The following STK3 variants were observed in gnomAD, a reference collection of about 807,000 sequenced individuals.
The protein encoded by STK3 is serine/threonine-protein kinase 3.
Under a neutral mutation model 58.0 loss-of-function variants are expected in STK3, and 41 were observed. The observed-to-expected ratio is 0.71, with a 90% confidence interval of 0.55 to 0.92. STK3 has a LOEUF of 0.92. Among genes scored for constraint, STK3 ranks in the 40% least tolerant of loss-of-function variants. The probability of loss-of-function intolerance (pLI) is 0.00; values close to 1 mark genes in which losing one functional copy is unlikely to be tolerated. For synonymous variants in STK3, 170 were observed against 191.0 expected (o/e 0.89, Z 0.91); for missense variants, 479 against 602.7 (o/e 0.79, Z 2.15).
chr8:98,727,903 CA>C (rs1277278478), intron 4 of STK3, among the ~76,000 whole-genome samples: 1 of 152,188 alleles, frequency 6.6e-6, no homozygotes, highest in Admixed American at 6.5e-5. Context: ...CAATAGTTAC[CA>C]AAACCCTTTA....
At position 98,633,672 on chromosome 8, in the gene STK3, T is replaced by C. The variant is rs890332097; in HGVS notation, c.685-37503A>G. ...GGAACTTGATCCTGTACAGAAACTCTTTATGTACAAGGTTAGAGAATACAA... is the reference window on the plus strand; with the variant it reads ...GGAACTTGATCCTGTACAGAAACTCCTTATGTACAAGGTTAGAGAATACAA... On this transcript the variant is annotated intron_variant, in intron 6 of 10. Coordinates refer to ENST00000419617, the MANE Select transcript of STK3 (RefSeq NM_006281.4). 234 of 701,994 alleles carry C rather than the reference T, an allele frequency of 3.3e-4. 2 individuals carry two copies. The highest frequency in any genetic ancestry group is 4.0e-4 in the Admixed American group (20 of 49,610). The allele number at this position is 701,994 out of a possible 1,614,324, so 43.5% of individuals were successfully genotyped here.
At chr8:98,569,762 A>C (rs1344767934) in intron 8 of STK3, among the ~76,000 whole-genome samples, 1 of 151,962 alleles carries the variant, frequency 6.6e-6, no homozygotes, top group East Asian at 1.9e-4. Flanking sequence ...AAAATTAGAC[A>C]TAACAAGTAA....
intron 3 of STK3, among the ~76,000 whole-genome samples, chr8:98,859,129 C>A (rs1836829563): frequency 6.6e-6 from 1 of 151,978 alleles, no homozygotes; most frequent in Admixed American, 6.6e-5. Context: ...ACACCAATAG[C>A]TATTCCTTAG....
chr8:98,659,983 TA>T (rs1353013438), intron 6 of STK3, among the ~76,000 whole-genome samples: 1 of 151,552 alleles, frequency 6.6e-6, no homozygotes, highest in Non-Finnish European at 1.5e-5. Flanking sequence ...ATTTAGTGGG[TA>T]AAAAGGAAAG....
At chr8:98,352,243 A>G in the STK3 span, among the ~76,000 whole-genome samples, 8 of 152,154 alleles carry the variant, frequency 5.3e-5, no homozygotes, top group Admixed American at 5.2e-4. Flanking sequence ...GGCTTCAACA[A>G]CAATAATTTC....
chr8:98,490,469 T>C (rs560522635), intron 10 of STK3, among the ~76,000 whole-genome samples: 2 of 152,220 alleles, frequency 1.3e-5, no homozygotes, highest in Non-Finnish European at 2.9e-5. Flanking sequence ...CCCCTGACTT[T>C]ACTTCTTAGG....
chr8:98,409,733 G>A (rs932982345), intron 3 of STK3, among the ~76,000 whole-genome samples: 4 of 152,212 alleles, frequency 2.6e-5, no homozygotes, highest in Non-Finnish European at 5.9e-5. Flanking sequence ...TGATCAGCCT[G>A]GCTCTGGGGG....
At chr8:98,589,655 A>G (rs868100120) in intron 7 of STK3, among the ~76,000 whole-genome samples, 66 of 152,168 alleles carry the variant, frequency 4.3e-4, no homozygotes, top group African/African-American at 1.5e-3. Flanking sequence ...TGCTTTGTCT[A>G]CTTAAGCAAG....
rs772074757 is a variant in STK3, at chr8:98,428,284, G to T, written n.483+5843C>A. ...GCTGAGCTATGTGTCTTCTCCTTCA[G>T]CCAGGAGATCGAGTACTGGGGCATC... On this transcript the variant is annotated intron_variant and non_coding_transcript_variant, in intron 3 of 3. Coordinates refer to the STK3 transcript ENST00000517832. The surrounding 1 kb of genome is among the most constrained non-coding windows in gnomAD (Gnocchi z 6.7). 1.2e-6 allele frequency: 2 copies of T among 1,614,128 alleles called. No individual in the cohort carries two copies. The highest frequency in any genetic ancestry group is 1.7e-6 in the Non-Finnish European group (2 of 1,180,036).
At chr8:98,609,828 C>T (rs867429654) in intron 6 of STK3, among the ~76,000 whole-genome samples, 2 of 151,790 alleles carry the variant, frequency 1.3e-5, no homozygotes, top group African/African-American at 2.4e-5. Flanking sequence ...GGCGTGGTGG[C>T]GGGCACCTGT....
At position 98,706,496 on chromosome 8, in the gene STK3, G is replaced by T. The variant is rs779203218; in HGVS notation, c.655C>A (p.Pro219Thr). The stretch of plus-strand genomic sequence containing the variant: ...ATTGGATGTATATCAGCATAAGGAG[G>T]TTTTCCTTCAGCCATTTCTATAGAA... ...ITSIEMAEGK[P>T]PYADIHPMRA... The change falls in exon 6 of 11, where the codon CCT becomes ACT. Residue 219 changes from proline to threonine, a missense_variant. Physicochemically the swap from Pro to Thr is conservative, Grantham distance 38. This residue lies in a region of STK3 where 309 missense variants were observed against 355.7 expected (regional missense o/e 0.87). Transcript: ENST00000419617. The T allele has an allele frequency of 3.7e-6, 6 of 1,613,502 alleles. No individual in the cohort carries two copies. The highest frequency in any genetic ancestry group is 4.2e-6 in the Non-Finnish European group (5 of 1,179,774).
At chr8:98,717,969 A>T (rs768079114) in intron 4 of STK3, among the ~76,000 whole-genome samples, 1 of 152,210 alleles carries the variant, frequency 6.6e-6, no homozygotes, top group South Asian at 2.1e-4. Flanking sequence ...CTAATGTATG[A>T]TCCTGCTTAT....
chr8:98,428,075 G>C lies in STK3; in HGVS notation n.483+6052C>G, dbSNP rs1221135611. On this transcript the variant is annotated intron_variant and non_coding_transcript_variant, in intron 3 of 3. Coordinates refer to the STK3 transcript ENST00000517832. The surrounding 1 kb of genome is among the most constrained non-coding windows in gnomAD (Gnocchi z 6.7). ...GCGGCTTCAAGAGGAGGCTGCGCTC[G>C]CACACGCTGCTGCGCTTCCCCGAGA... 2 of 1,613,586 alleles carry C rather than the reference G, an allele frequency of 1.2e-6. No individual in the cohort carries two copies. The highest frequency in any genetic ancestry group is 1.7e-6 in the Non-Finnish European group (2 of 1,179,822).
chr8:98,685,829 G>A (rs1433150820), intron 6 of STK3, among the ~76,000 whole-genome samples: 1 of 151,770 alleles, frequency 6.6e-6, no homozygotes, highest in Non-Finnish European at 1.5e-5. Context: ...TACACACCCT[G>A]TCAGGAAACA....
chr8:98,648,624 G>A (rs1283362513), intron 6 of STK3, among the ~76,000 whole-genome samples: 1 of 152,130 alleles, frequency 6.6e-6, no homozygotes, highest in Non-Finnish European at 1.5e-5. Context: ...CAGGCACAGT[G>A]GCTCAAGCCT....
intron 3 of STK3, among the ~76,000 whole-genome samples, chr8:98,402,426 T>C (rs1817952001): frequency 6.6e-6 from 1 of 152,186 alleles, no homozygotes; most frequent in Non-Finnish European, 1.5e-5. Flanking sequence ...CCCTGGAGTC[T>C]GTGTTTGGCT....
At chr8:98,840,583 G>GTA (rs59274441) in intron 3 of STK3, among the ~76,000 whole-genome samples, 2,754 of 79,510 alleles carry the variant, frequency 0.035, 68 homozygotes, top group Non-Finnish European at 0.04. Context: ...AGAAAAAAAT[G>GTA]TATATATATA....
chr8:98,693,986 T>C (rs375161741), intron 6 of STK3, among the ~76,000 whole-genome samples: 181 of 152,356 alleles, frequency 1.2e-3, no homozygotes, highest in African/African-American at 4.1e-3. Context: ...TCTCTTTTTT[T>C]AAAATCCTTT....
At chr8:98,415,352 A>G (rs1210637033) in intron 3 of STK3, among the ~76,000 whole-genome samples, 1 of 152,244 alleles carries the variant, frequency 6.6e-6, no homozygotes, top group Non-Finnish European at 1.5e-5. Flanking sequence ...ATAAGAAGTG[A>G]AATTCTATCA....
Sources: gnomAD v4.1 joint callset for allele counts (sites outside exome capture counted in the v4.1 genomes callset) on GRCh38, gnomAD v4.1.1 for gene constraint, gnomAD v4.1.1 regional missense constraint, Gnocchi (gnomAD v3.1) non-coding constraint, MANE v1.5 for transcripts, NCBI Gene and HGNC (gene_info 2026-07-23, HGNC 2026-07-21) for gene names.